Variants in ACCSL observed in about 807,000 individuals in gnomAD.
ACCSL encodes the protein probable inactive 1-aminocyclopropane-1-carboxylate synthase-like protein 2.
ACCSL carries 55 observed loss-of-function variants against 61.7 expected under a neutral mutation model. That is an observed-to-expected ratio of 0.89 (90% CI 0.72 to 1.12). ACCSL has a LOEUF of 1.12. Among genes scored for constraint, ACCSL ranks in the 50% most tolerant of loss-of-function variants. The pLI is 0.00. For missense variants in ACCSL, 632 were observed against 698.0 expected (o/e 0.91, Z 1.07); for synonymous variants, 258 against 264.3 (o/e 0.98, Z 0.23).
rs1284346857 is a variant in ACCSL at position 44,048,398 on chromosome 11, C to T, written c.362C>T (p.Pro121Leu). Reference protein sequence around the residue: ...AQLSGQPDPVPQLSDCEAAFV... With the variant: ...AQLSGQPDPVLQLSDCEAAFV... ...CTCTCTGGGCAGCCTGATCCAGTTC[C>T]CCAACTGAGTGATTGTGAAGCTGCC... The change falls in exon 1 of 14, where the codon CCC (proline) becomes CTC (leucine). Residue 121 changes from proline to leucine, a missense_variant. Transcript: ENST00000378832. 3 of 1,614,142 alleles carry T rather than the reference C, an allele frequency of 1.9e-6. No individual in the cohort carries two copies. The highest frequency in any genetic ancestry group is 2.5e-6 in the Non-Finnish European group (3 of 1,180,026).
chr11:44,004,198 G>A, the ACCSL span, among the ~76,000 whole-genome samples: 1 of 151,922 alleles, frequency 6.6e-6, no homozygotes, highest in East Asian at 1.9e-4. Flanking sequence ...TGAAGGGGGG[G>A]GATGTGTCCC....
the ACCSL span, among the ~76,000 whole-genome samples, chr11:44,005,510 GGCA>G: frequency 6.6e-6 from 1 of 152,146 alleles, no homozygotes; most frequent in Non-Finnish European, 1.5e-5. Flanking sequence ...CTCACAGTGA[GGCA>G]GCGCTGAGGG....
chr11:43,928,450 C>T, the ACCSL span, among the ~76,000 whole-genome samples: 2 of 152,172 alleles, frequency 1.3e-5, no homozygotes, highest in African/African-American at 4.8e-5. Context: ...TGGCTTACCT[C>T]CATGACCACA....
chr11:43,994,990 T>A, the ACCSL span: 1 of 152,204 alleles, frequency 6.6e-6, no homozygotes, highest in Admixed American at 6.6e-5. Context: ...ACCACTGATT[T>A]AGGCCAACCT....
At chr11:44,004,480 G>A in the ACCSL span, among the ~76,000 whole-genome samples, 81,331 of 151,760 alleles carry the variant, frequency 0.54, 22,090 homozygotes, top group Middle Eastern at 0.63. Flanking sequence ...AGGCCAAGCT[G>A]AGCTGAGCTG....
chr11:44,011,808 G>A, the ACCSL span, among the ~76,000 whole-genome samples: 3 of 152,222 alleles, frequency 2.0e-5, no homozygotes, highest in Admixed American at 1.3e-4. Context: ...GTGTGTGTGT[G>A]TATGGTTGAG....
At chr11:44,033,367 A>G in the ACCSL span, among the ~76,000 whole-genome samples, 1 of 152,226 alleles carries the variant, frequency 6.6e-6, no homozygotes, top group African/African-American at 2.4e-5. Context: ...ACAACACACC[A>G]TACCATACCT....
chr11:43,929,550 G>T, the ACCSL span, among the ~76,000 whole-genome samples: 3 of 152,096 alleles, frequency 2.0e-5, no homozygotes, highest in African/African-American at 7.2e-5. Flanking sequence ...GGGATTACAG[G>T]CACCTGCCAC....
chr11:43,975,984 C>T, the ACCSL span, among the ~76,000 whole-genome samples: 4 of 152,096 alleles, frequency 2.6e-5, no homozygotes, highest in African/African-American at 9.7e-5. Context: ...CTTTTTTGAA[C>T]AGGACTGTCT....
At chr11:43,931,356 C>T in the ACCSL span, among the ~76,000 whole-genome samples, 2 of 152,168 alleles carry the variant, frequency 1.3e-5, no homozygotes, top group Admixed American at 6.5e-5. Flanking sequence ...CAGTCTATTC[C>T]CTGGAAAAAT....
chr11:44,046,656 T>A (rs192910876), upstream of ACCSL, among the ~76,000 whole-genome samples: 7 of 151,008 alleles, frequency 4.6e-5, no homozygotes, highest in African/African-American at 1.7e-4. Flanking sequence ...AGCAACGAGG[T>A]TTTTTTTTGT....
In ACCSL at chr11:44,058,344, C is replaced by A. The variant is rs777534342; in HGVS notation, c.1355C>A (p.Thr452Asn). 1 of 1,614,202 alleles carries A rather than the reference C, an allele frequency of 6.2e-7. No homozygotes were observed. Among genetic ancestry groups the A allele is most frequent in the Non-Finnish European group, 8.5e-7 (1 of 1,180,040 alleles). ...TEWIDKVYLP[T>N]NCYRLREAHK... is the part of the protein sequence containing the mutation. ...TGGATTGACAAAGTATACCTACCCA[C>A]CAATTGCTACCGGCTCCGGGAAGCT... Residue 452 changes from threonine (T) to asparagine (N), a missense_variant, in exon 12 of 14, where the codon ACC (threonine) becomes AAC (asparagine). Thr to Asn is a moderately conservative substitution (Grantham distance 65). Transcript: ENST00000378832.
chr11:44,053,894 A>G lies in ACCSL; in HGVS notation c.1049+388A>G, dbSNP rs1042731445. Among the ~76,000 whole-genome samples the G allele has an allele frequency of 1.4e-4, 21 of 152,314 alleles. No individual in the cohort carries two copies. In the East Asian group the frequency reaches 3.9e-3, roughly 28 times the overall value. On this transcript the variant is annotated intron_variant, in intron 8 of 13. Coordinates refer to ENST00000378832, the MANE Select transcript of ACCSL (RefSeq NM_001031854.2). ...AATTTACCCTAAATGGTCTCACTAT[A>G]CACCATACTTTGCAGAGTTATGTAA...
At chr11:44,002,321 G>A in the ACCSL span, among the ~76,000 whole-genome samples, 69 of 152,206 alleles carry the variant, frequency 4.5e-4, 1 homozygote, top group Admixed American at 4.3e-3. Flanking sequence ...GCCCCACCCC[G>A]AGCTGGCCTA....
At chr11:43,952,454 C>T in the ACCSL span, among the ~76,000 whole-genome samples, 2 of 152,172 alleles carry the variant, frequency 1.3e-5, no homozygotes, top group African/African-American at 2.4e-5. Flanking sequence ...GCAGGCAGCC[C>T]GGTGCTGCAC....
chr11:43,969,948 C>T, the ACCSL span, among the ~76,000 whole-genome samples: 5 of 143,820 alleles, frequency 3.5e-5, no homozygotes, highest in African/African-American at 1.3e-4. Context: ...CCCTGCTCCT[C>T]TCAAATAGGT....
the ACCSL span, among the ~76,000 whole-genome samples, chr11:43,969,234 G>A: frequency 3.9e-5 from 6 of 152,062 alleles, no homozygotes; most frequent in Non-Finnish European, 5.9e-5. Context: ...GGTGGCAGGC[G>A]CCTGTAGTCT....
chr11:43,983,115 G>A, the ACCSL span, among the ~76,000 whole-genome samples: 2 of 152,302 alleles, frequency 1.3e-5, no homozygotes, highest in East Asian at 1.9e-4. Flanking sequence ...GAGCATCACA[G>A]AGCCCACCCA....
At chr11:43,954,585 TTTC>T in the ACCSL span, among the ~76,000 whole-genome samples, 2 of 117,882 alleles carry the variant, frequency 1.7e-5, no homozygotes, top group Non-Finnish European at 3.6e-5. Context: ...CTTTTCTTTC[TTTC>T]TTTTTTTTTT....
Sources: allele counts gnomAD v4.1 joint callset (sites outside exome capture counted in the v4.1 genomes callset), GRCh38; gene constraint gnomAD v4.1.1; transcripts MANE v1.5; gene names NCBI Gene and HGNC (gene_info 2026-07-23, HGNC 2026-07-21).